The following LRRCC1 variants were observed in gnomAD, a reference collection of about 807,000 sequenced individuals.
LRRCC1 encodes leucine rich repeat and coiled-coil centrosomal protein 1, also known as leucine-rich repeat and coiled-coil domain-containing protein 1.
LRRCC1 carries 115 observed loss-of-function variants against 126.0 expected under a neutral mutation model. That is an observed-to-expected ratio of 0.91 (90% CI 0.78 to 1.07). The LOEUF is 1.07. Among genes scored for constraint, LRRCC1 ranks in the 50% least tolerant of loss-of-function variants. LRRCC1 has a pLI of 0.00. For synonymous variants in LRRCC1, 400 were observed against 393.4 expected, an observed-to-expected ratio of 1.02 and a Z score of -0.20; for missense variants, 1,172 against 1,175.7, an observed-to-expected ratio of 1.00 and a Z score of 0.05.
At chr8:85,126,276 G>A (rs1009154435) in intron 8 of LRRCC1, among the ~76,000 whole-genome samples, 1 of 152,052 alleles carries the variant, frequency 6.6e-6, no homozygotes, top group African/African-American at 2.4e-5. Context: ...ATAATTTTTG[G>A]CCCGGCGCAG....
In LRRCC1 at chr8:85,123,575, C is replaced by G. The variant is rs774329078; in HGVS notation, c.1093C>G (p.His365Asp). The stretch of plus-strand genomic sequence containing the variant: ...TGCCAAAACCATTCAAACTATTAAG[C>G]ACCACAATAAAAACTACAACTCTTT... The part of the protein sequence containing the change: ...YDAKTIQTIK[H>D]HNKNYNSFVS... Residue 365 changes from histidine to aspartate, a missense_variant, in exon 7 of 19, where the codon CAC (histidine) becomes GAC (aspartate). Physicochemically the swap from His to Asp is moderately conservative, Grantham distance 81. Transcript: ENST00000360375. 8 of 1,587,094 alleles carry G rather than the reference C, an allele frequency of 5.0e-6. No individual in the cohort carries two copies. The highest frequency in any genetic ancestry group is 6.0e-6 in the Non-Finnish European group (7 of 1,172,886).
intron 8 of LRRCC1, 111 bp from the exon 9 acceptor site, chr8:85,126,578 G>A: frequency 2.3e-6 from 2 of 872,836 alleles, no homozygotes; most frequent in Non-Finnish European, 3.4e-6. Flanking sequence ...AAGTTTCACT[G>A]TAGCTCTTTG....
At chr8:85,139,266 TTTTG>T (rs998288737) in intron 17 of LRRCC1, among the ~76,000 whole-genome samples, 1 of 151,968 alleles carries the variant, frequency 6.6e-6, no homozygotes, top group Non-Finnish European at 1.5e-5. Flanking sequence ...GAGCCAATTT[TTTTG>T]TTTGTTTTTC....
intron 6 of LRRCC1, among the ~76,000 whole-genome samples, chr8:85,119,473 A>C (rs1452262149): frequency 1.5e-5 from 2 of 137,792 alleles, no homozygotes; most frequent in East Asian, 4.2e-4. Context: ...CCGTGAATTT[A>C]CTTTGCTGTT....
intron 17 of LRRCC1, among the ~76,000 whole-genome samples, chr8:85,138,862 C>T (rs955405178): frequency 7.9e-5 from 12 of 151,888 alleles, no homozygotes; most frequent in Non-Finnish European, 1.5e-4. Flanking sequence ...CTGGCCAACA[C>T]GATGAAACCC....
chr8:85,114,942 A>T (rs1808989327), intron 4 of LRRCC1, among the ~76,000 whole-genome samples, 158 bp from the exon 5 acceptor site: 2 of 152,172 alleles, frequency 1.3e-5, no homozygotes. Flanking sequence ...GGATTTAATG[A>T]TTACATGCTG....
chr8:85,111,010 C>A (rs1310846080), intron 3 of LRRCC1, among the ~76,000 whole-genome samples: 2 of 152,216 alleles, frequency 1.3e-5, no homozygotes, highest in African/African-American at 4.8e-5. Context: ...AGTCTGTACC[C>A]TTAAGCTGAA....
In LRRCC1 at chr8:85,138,322, T is replaced by C; in HGVS notation, c.2703-16T>C. On this transcript the variant is annotated splice_polypyrimidine_tract_variant and intron_variant, in intron 16 of 18. Transcript: ENST00000360375. ...TAATAAACCCAATTTATTTTTCAAA[T>C]TACTTCTCATATTAGTACACTGAAT... is the stretch of plus-strand genomic sequence containing the variant. 6.3e-7 allele frequency: 1 copy of C among 1,588,068 alleles called. No homozygotes were observed. Among genetic ancestry groups the C allele is most frequent in the Non-Finnish European group, 8.5e-7 (1 of 1,171,536 alleles).
chr8:85,107,359 A>G lies in LRRCC1; in HGVS notation c.64A>G (p.Ser22Gly). The change falls in exon 1 of 19, where the codon AGC becomes GGC. Residue 22 changes from serine (S) to glycine (G), a missense_variant. Transcript: ENST00000360375. ...AGTGGAAAACGAAGACGGCGACAGCAGCTGCGGGGATGTATGCTTCATGGA... is the reference window on the plus strand; with the variant it reads ...AGTGGAAAACGAAGACGGCGACAGCGGCTGCGGGGATGTATGCTTCATGGA... ...AEVENEDGDS[S>G]CGDVCFMDKG... is the part of the protein sequence containing the mutation. The G allele has an allele frequency of 6.2e-7, 1 of 1,613,910 alleles. No individual in the cohort carries two copies. Among genetic ancestry groups the G allele is most frequent in the East Asian group, 2.2e-5 (1 of 44,860 alleles).
intron 12 of LRRCC1, among the ~76,000 whole-genome samples, chr8:85,132,587 TTCA>T (rs1164559915): frequency 2.0e-5 from 3 of 152,036 alleles, no homozygotes; most frequent in African/African-American, 7.2e-5. Context: ...GAGACAGGAT[TTCA>T]TCATGTTGGT....
intron 7 of LRRCC1, among the ~76,000 whole-genome samples, chr8:85,124,550 C>A (rs1052264428): frequency 2.0e-5 from 3 of 152,128 alleles, no homozygotes; most frequent in Non-Finnish European, 4.4e-5. Context: ...TTCTACCCTA[C>A]CTGAAAATGT....
chr8:85,107,496 C>T (rs1808330957), intron 1 of LRRCC1, 97 bp downstream of exon 1: 1 of 1,054,888 alleles, frequency 9.5e-7, no homozygotes, highest in East Asian at 2.5e-5. Flanking sequence ...CGCGGCACTG[C>T]TTTACCAAGA....
intron 3 of LRRCC1, among the ~76,000 whole-genome samples, chr8:85,110,875 C>T (rs1044282486): frequency 2.0e-5 from 3 of 152,114 alleles, no homozygotes; most frequent in Admixed American, 1.3e-4. Flanking sequence ...TCGCAGAATT[C>T]CTCTAATATC....
intron 9 of LRRCC1, 81 bp downstream of exon 9, chr8:85,126,918 T>G: frequency 3.3e-6 from 4 of 1,225,110 alleles, no homozygotes; most frequent in Non-Finnish European, 4.5e-6. Flanking sequence ...TTAGTTTCAG[T>G]GTGGTTCAAT....
At chr8:85,123,123 G>A (rs1255318875) in intron 6 of LRRCC1, among the ~76,000 whole-genome samples, 1 of 152,100 alleles carries the variant, frequency 6.6e-6, no homozygotes, top group Non-Finnish European at 1.5e-5. Flanking sequence ...CCAAGTGTCA[G>A]CTCCCCTCTA....
chr8:85,129,164 T>G lies in LRRCC1; in HGVS notation c.1422-11T>G. Reference sequence around the variant, plus strand: ...TAATATACTTAACACCACATATAACTTCTGCTTTAGGCTAAAGGAAATTAT... The same window carrying G: ...TAATATACTTAACACCACATATAACGTCTGCTTTAGGCTAAAGGAAATTAT... On this transcript the variant is annotated splice_polypyrimidine_tract_variant and intron_variant, in intron 9 of 18. Coordinates refer to ENST00000360375, the MANE Select transcript of LRRCC1 (RefSeq NM_033402.5). 1 of 1,585,654 alleles carries G rather than the reference T, an allele frequency of 6.3e-7. No homozygotes were observed. Among genetic ancestry groups the G allele is most frequent in the Non-Finnish European group, 8.6e-7 (1 of 1,162,004 alleles).
intron 12 of LRRCC1, among the ~76,000 whole-genome samples, chr8:85,133,815 C>G (rs1238244092): frequency 6.6e-6 from 1 of 152,286 alleles, no homozygotes; most frequent in South Asian, 2.1e-4. Flanking sequence ...TCCCCTACCC[C>G]CCTCTGTTTA....
At position 85,129,402 on chromosome 8, in the gene LRRCC1, G is replaced by C. The variant is rs757982635; in HGVS notation, c.1626+23G>C. The C allele has an allele frequency of 2.6e-6, 4 of 1,549,804 alleles. No homozygotes were observed. In the African/African-American group the frequency reaches 5.5e-5, roughly 21 times the overall value. On this transcript the variant is annotated intron_variant, in intron 10 of 18. Transcript: ENST00000360375. Reference sequence around the variant, plus strand: ...CAGGTATTTCTCTATTTTAATATATGAGTAGCACAGATTAACACAAATTCA... The same window carrying C: ...CAGGTATTTCTCTATTTTAATATATCAGTAGCACAGATTAACACAAATTCA...
intron 6 of LRRCC1, among the ~76,000 whole-genome samples, chr8:85,122,216 C>T (rs1289066766): frequency 1.3e-5 from 2 of 152,196 alleles, no homozygotes; most frequent in Non-Finnish European, 2.9e-5. Flanking sequence ...AGCAGTTTGA[C>T]TGCATTGTGC....
Sources: allele counts gnomAD v4.1 joint callset (sites outside exome capture counted in the v4.1 genomes callset), GRCh38; gene constraint gnomAD v4.1.1; transcripts MANE v1.5; gene names NCBI Gene and HGNC (gene_info 2026-07-23, HGNC 2026-07-21).